Variants in NRF1 observed in about 807,000 individuals in gnomAD.
The protein encoded by NRF1 is nuclear respiratory factor 1, also known as alpha palindromic-binding protein.
A neutral mutation model predicts 58.5 loss-of-function variants in NRF1; 5 were observed. The ratio of observed to expected loss-of-function variants is 0.09; its 90% CI spans 0.04 to 0.18. The LOEUF (loss-of-function observed/expected upper bound fraction) is 0.18. Among genes scored for constraint, NRF1 ranks in the 10% least tolerant of loss-of-function variants. The probability of loss-of-function intolerance (pLI) is 1.00; values close to 1 mark genes in which losing one functional copy is unlikely to be tolerated. For missense variants in NRF1, 288 were observed against 657.7 expected (o/e 0.44, Z 6.15); for synonymous variants, 224 against 246.7 (o/e 0.91, Z 0.86).
chr7:129,746,370 A>G (rs1397867411), intron 10 of NRF1, among the ~76,000 whole-genome samples: 1 of 152,060 alleles, frequency 6.6e-6, no homozygotes, highest in African/African-American at 2.4e-5. Flanking sequence ...TCCTCTTTCC[A>G]TCTAGTCCTT....
At chr7:129,657,601 T>C in intron 2 of NRF1, 27 bp downstream of exon 2, 1 of 1,468,426 alleles carries the variant, frequency 6.8e-7, no homozygotes, top group South Asian at 1.3e-5. Context: ...TAGAAGCTCT[T>C]CTTTAATTTT....
At chr7:129,677,550 C>G (rs1335445614) in intron 3 of NRF1, 82 bp from the exon 4 acceptor site, 3 of 1,290,312 alleles carry the variant, frequency 2.3e-6, no homozygotes, top group Admixed American at 3.7e-5. Context: ...TCAGAATAAA[C>G]TGTCTTACCT....
chr7:129,728,468 C>CAAAAAAA (rs60777041), intron 10 of NRF1, among the ~76,000 whole-genome samples: 2 of 96,350 alleles, frequency 2.1e-5, no homozygotes, highest in Non-Finnish European at 2.2e-5. Context: ...GACTCCGTCT[C>CAAAAAAA]AAAAAAAAAA....
chr7:129,656,498 A>G (rs1242513553), intron 1 of NRF1, among the ~76,000 whole-genome samples: 1 of 152,080 alleles, frequency 6.6e-6, no homozygotes, highest in African/African-American at 2.4e-5. Flanking sequence ...GCCAACTTTT[A>G]ACCTTACTGC....
At chr7:129,680,078 A>G (rs1178167823) in intron 4 of NRF1, among the ~76,000 whole-genome samples, 1 of 152,178 alleles carries the variant, frequency 6.6e-6, no homozygotes, top group African/African-American at 2.4e-5. Flanking sequence ...AATAATAATA[A>G]AAATAAAAAT....
intron 8 of NRF1, among the ~76,000 whole-genome samples, chr7:129,712,717 T>C (rs187480788): frequency 6.6e-6 from 1 of 152,346 alleles, no homozygotes; most frequent in East Asian, 1.9e-4. Context: ...TGTGCCTCCT[T>C]TCCACCTAAG....
At chr7:129,693,723 T>C (rs754746515) in intron 5 of NRF1, among the ~76,000 whole-genome samples, 7 of 152,114 alleles carry the variant, frequency 4.6e-5, no homozygotes, top group Non-Finnish European at 7.3e-5. Context: ...TTCTGACTGG[T>C]TCAAGTAAAG....
intron 9 of NRF1, among the ~76,000 whole-genome samples, chr7:129,719,700 T>C (rs1363953337): frequency 6.6e-6 from 1 of 152,162 alleles, no homozygotes; most frequent in African/African-American, 2.4e-5. Context: ...AAAGTCTTAC[T>C]TGGTTCCTTA....
At chr7:129,669,254 G>C (rs1396162475) in intron 2 of NRF1, among the ~76,000 whole-genome samples, 1 of 152,074 alleles carries the variant, frequency 6.6e-6, no homozygotes, top group Non-Finnish European at 1.5e-5. Context: ...GCCAGATCTT[G>C]AGTTTTATGA....
At chr7:129,705,934 C>T (rs1380237159) in intron 5 of NRF1, among the ~76,000 whole-genome samples, 3 of 147,962 alleles carry the variant, frequency 2.0e-5, no homozygotes, top group African/African-American at 7.3e-5. Context: ...GAGCAAGATC[C>T]GAGAGTGAGA....
intron 5 of NRF1, among the ~76,000 whole-genome samples, chr7:129,693,341 T>A (rs1461009704): frequency 6.6e-6 from 1 of 152,170 alleles, no homozygotes. Context: ...TAAACCTAAA[T>A]AGTGATCTTT....
intron 5 of NRF1, among the ~76,000 whole-genome samples, chr7:129,692,526 C>T (rs1372658633): frequency 6.6e-6 from 1 of 152,080 alleles, no homozygotes; most frequent in Non-Finnish European, 1.5e-5. Flanking sequence ...GCACTCCAGC[C>T]TAGGTGACAG....
intron 1 of NRF1, among the ~76,000 whole-genome samples, chr7:129,621,689 T>C (rs142687364): frequency 6.6e-6 from 1 of 152,166 alleles, no homozygotes; most frequent in African/African-American, 2.4e-5. Context: ...TTCTGATATG[T>C]TACCAGAATT....
At chr7:129,619,429 T>TAC (rs1384098912) in intron 1 of NRF1, among the ~76,000 whole-genome samples, 53 of 75,152 alleles carry the variant, frequency 7.1e-4, no homozygotes, top group African/African-American at 3.2e-3. Flanking sequence ...TATATATATA[T>TAC]ATATACACAC....
intron 10 of NRF1, among the ~76,000 whole-genome samples, chr7:129,743,606 A>T (rs1803900347): frequency 6.6e-6 from 1 of 152,204 alleles, no homozygotes; most frequent in South Asian, 2.1e-4. Context: ...CAAGAACTTA[A>T]ATCATGTAAG....
intron 8 of NRF1, among the ~76,000 whole-genome samples, chr7:129,713,886 G>A (rs996187007): frequency 6.6e-6 from 1 of 152,242 alleles, no homozygotes; most frequent in Non-Finnish European, 1.5e-5. Flanking sequence ...CTGTCAAAGA[G>A]AGCAACACAT....
At chr7:129,621,011 C>T (rs527785201) in intron 1 of NRF1, among the ~76,000 whole-genome samples, 3 of 152,228 alleles carry the variant, frequency 2.0e-5, no homozygotes, top group Admixed American at 6.5e-5. Flanking sequence ...TAAGAAATTG[C>T]TGGCATTCAC....
At chr7:129,643,573 C>G (rs1801341249) in intron 1 of NRF1, among the ~76,000 whole-genome samples, 1 of 152,206 alleles carries the variant, frequency 6.6e-6, no homozygotes, top group Non-Finnish European at 1.5e-5. Context: ...CTTGGGTAGA[C>G]CAAACTTCCT....
At chr7:129,710,902 C>T (rs1342249815) in intron 7 of NRF1, among the ~76,000 whole-genome samples, 8 of 151,668 alleles carry the variant, frequency 5.3e-5, no homozygotes, top group Admixed American at 1.3e-4. Flanking sequence ...CTCAGCCTCC[C>T]GAGTAGCTGG....
Sources: allele counts gnomAD v4.1 joint callset (sites outside exome capture counted in the v4.1 genomes callset), GRCh38; gene constraint gnomAD v4.1.1; transcripts MANE v1.5; gene names NCBI Gene and HGNC (gene_info 2026-07-23, HGNC 2026-07-21).